The following NR2C2 variants were observed in gnomAD, a reference collection of about 807,000 sequenced individuals.
NR2C2 encodes the protein Nuclear hormone receptor TR4.
NR2C2 carries 6 observed loss-of-function variants against 62.9 expected under a neutral mutation model. That is an observed-to-expected ratio of 0.10 (90% CI 0.05 to 0.19). The LOEUF (loss-of-function observed/expected upper bound fraction) is 0.19, where lower values mean the gene tolerates loss of function less well. NR2C2 is among the 10% of genes least tolerant of loss of function. The pLI, the probability that NR2C2 is intolerant of heterozygous loss-of-function variation, is 1.00. For missense variants in NR2C2, 479 were observed against 762.7 expected, an observed-to-expected ratio of 0.63 and a Z score of 4.38; for synonymous variants, 272 against 273.8, an observed-to-expected ratio of 0.99 and a Z score of 0.07.
intron 2 of NR2C2, among the ~76,000 whole-genome samples, chr3:15,010,251 A>C (rs565274440): frequency 2.0e-5 from 3 of 152,102 alleles, no homozygotes; most frequent in Non-Finnish European, 4.4e-5. Context: ...CTTGTGTTCC[A>C]ATAGGGTATT....
At chr3:15,012,940 C>T (rs1237423300) in intron 2 of NR2C2, among the ~76,000 whole-genome samples, 1 of 152,178 alleles carries the variant, frequency 6.6e-6, no homozygotes, top group African/African-American at 2.4e-5. Flanking sequence ...AGTCAGTGCC[C>T]ACTTCCTTCG....
Position 15,034,760 on chromosome 3 carries a change from C to A in NR2C2, c.1323C>A (p.Ser441=). 1 of 1,614,046 alleles carries A rather than the reference C, an allele frequency of 6.2e-7. No homozygotes were observed. Among genetic ancestry groups the A allele is most frequent in the Non-Finnish European group, 8.5e-7 (1 of 1,179,964 alleles). Residue 441 remains serine (S), a synonymous_variant, in exon 11 of 14, where the codon TCC becomes TCA. Coordinates refer to ENST00000425241, the MANE Select transcript of NR2C2 (RefSeq NM_001291694.2). ...LAQCAQVMSL[S]TILAAIVNHL... ...AGTGTGCCCAGGTCATGAGTCTCTC[C>A]ACCATCCTGGCTGCCATTGTCAACC...
intron 8 of NR2C2, 53 bp from the exon 9 acceptor site, chr3:15,030,222 C>A: frequency 7.1e-7 from 1 of 1,415,948 alleles, no homozygotes; most frequent in South Asian, 1.3e-5. Flanking sequence ...GAATTCTGTT[C>A]CCCCTAAAAG....
chr3:15,027,279 G>A (rs1286747326), intron 7 of NR2C2, among the ~76,000 whole-genome samples: 5 of 152,198 alleles, frequency 3.3e-5, no homozygotes, highest in African/African-American at 9.6e-5. Flanking sequence ...GATTATAGGC[G>A]TGAGCCACCA....
At chr3:15,000,386 A>G (rs2040954858) in intron 1 of NR2C2, among the ~76,000 whole-genome samples, 1 of 152,174 alleles carries the variant, frequency 6.6e-6, no homozygotes, top group South Asian at 2.1e-4. Flanking sequence ...CATTGTGTGT[A>G]TATACCACAT....
chr3:15,032,563 C>T (rs2042007283), intron 10 of NR2C2, 63 bp downstream of exon 10: 3 of 1,599,052 alleles, frequency 1.9e-6, no homozygotes, highest in Non-Finnish European at 2.6e-6. Context: ...TAGGAATGAC[C>T]TGGAAGAACT....
intron 1 of NR2C2, among the ~76,000 whole-genome samples, chr3:14,967,356 AT>A (rs1044935985): frequency 6.6e-6 from 1 of 151,604 alleles, no homozygotes; most frequent in Non-Finnish European, 1.5e-5. Context: ...TGTTTCTTTA[AT>A]TTTTGTTAAA....
At chr3:15,002,909 C>T (rs11926034) in intron 1 of NR2C2, among the ~76,000 whole-genome samples, 9,287 of 150,306 alleles carry the variant, frequency 0.062, 359 homozygotes, top group East Asian at 0.13. Flanking sequence ...CCACCCACCT[C>T]GGCCTCCCAA....
chr3:14,966,907 T>C (rs1353094695), intron 1 of NR2C2, among the ~76,000 whole-genome samples: 1 of 152,242 alleles, frequency 6.6e-6, no homozygotes, highest in Non-Finnish European at 1.5e-5. Flanking sequence ...GTGACCTCTC[T>C]GTTTTTTGAA....
intron 1 of NR2C2, among the ~76,000 whole-genome samples, chr3:14,977,887 C>T (rs1256099419): frequency 6.6e-6 from 1 of 150,766 alleles, no homozygotes; most frequent in Non-Finnish European, 1.5e-5. Context: ...ATTGCTTGAA[C>T]CCGGGAGGCT....
chr3:14,956,139 T>C (rs966577068), intron 1 of NR2C2, among the ~76,000 whole-genome samples: 1 of 152,200 alleles, frequency 6.6e-6, no homozygotes, highest in Non-Finnish European at 1.5e-5. Context: ...AACTTAACCT[T>C]AGAGGCATCC....
At chr3:15,015,050 G>A (rs961717652) in intron 3 of NR2C2, among the ~76,000 whole-genome samples, 2 of 152,128 alleles carry the variant, frequency 1.3e-5, no homozygotes, top group African/African-American at 4.8e-5. Context: ...GACACCTTAC[G>A]CTACACTTAC....
intron 3 of NR2C2, 73 bp from the exon 4 acceptor site, chr3:15,016,079 G>T (rs185386005): frequency 8.6e-7 from 1 of 1,166,560 alleles, no homozygotes; most frequent in African/African-American, 1.5e-5. Flanking sequence ...TGGGATTATA[G>T]ACGTGAGCCA....
At chr3:15,006,004 G>A (rs868484659) in intron 2 of NR2C2, among the ~76,000 whole-genome samples, 3 of 152,076 alleles carry the variant, frequency 2.0e-5, no homozygotes, top group African/African-American at 4.8e-5. Flanking sequence ...CCAGGAGTTC[G>A]AGACCAGCCT....
At position 15,032,405 on chromosome 3, in the gene NR2C2, G is replaced by A. The variant is rs2042003228; in HGVS notation, c.1137G>A (p.Glu379=). ...FKLTMPSPMP[E]YLNVHYICES... ...TAACAATGCCCAGTCCAATGCCAGAGTACCTCAACGTGCACTACATCTGTG... is the reference window on the plus strand; with the variant it reads ...TAACAATGCCCAGTCCAATGCCAGAATACCTCAACGTGCACTACATCTGTG... The change falls in exon 10 of 14, where the codon GAG becomes GAA. Residue 379 remains glutamate, a synonymous_variant. Transcript: ENST00000425241. 3 of 1,614,086 alleles carry A rather than the reference G, an allele frequency of 1.9e-6. No individual in the cohort carries two copies. Among genetic ancestry groups the A allele is most frequent in the South Asian group, 2.2e-5 (2 of 91,084 alleles).
At chr3:14,995,668 C>CGTGTGTGTGTGTGTGTGTGTGTGTGT (rs58878848) in intron 1 of NR2C2, among the ~76,000 whole-genome samples, 82 of 148,624 alleles carry the variant, frequency 5.5e-4, no homozygotes, top group African/African-American at 1.8e-3. Context: ...GTTTTCATTA[C>CGTGTGTGTGTGTGTGTGTGTGTGTGT]GTGTGTGTGT....
At chr3:15,041,073 A>G (rs776815021) in intron 13 of NR2C2, among the ~76,000 whole-genome samples, 15 of 152,190 alleles carry the variant, frequency 9.9e-5, no homozygotes, top group Non-Finnish European at 2.2e-4. Context: ...TAGGGTGACG[A>G]CAGGTTACTT....
intron 1 of NR2C2, among the ~76,000 whole-genome samples, chr3:14,970,008 C>G (rs1391185567): frequency 3.3e-5 from 5 of 152,124 alleles, no homozygotes; most frequent in Admixed American, 6.6e-5. Context: ...TTGATTAATC[C>G]TGCCCTCTAA....
chr3:15,000,571 C>T (rs114644795), intron 1 of NR2C2, among the ~76,000 whole-genome samples: 1,674 of 152,190 alleles, frequency 0.011, 35 homozygotes, highest in African/African-American at 0.037. Flanking sequence ...GTTTTAATTA[C>T]CGTAGCTTTG....
Sources: allele counts gnomAD v4.1 joint callset (sites outside exome capture counted in the v4.1 genomes callset), GRCh38; gene constraint gnomAD v4.1.1; transcripts MANE v1.5; gene names NCBI Gene and HGNC (gene_info 2026-07-23, HGNC 2026-07-21).